TBC1D19: variants seen among roughly 807,000 people sequenced by gnomAD.
The protein encoded by TBC1D19 is TBC1 domain family member 19.
TBC1D19 carries 60 observed loss-of-function variants against 89.0 expected under a neutral mutation model. The ratio of observed to expected loss-of-function variants is 0.67; its 90% CI spans 0.55 to 0.84. The LOEUF (loss-of-function observed/expected upper bound fraction) is 0.84. Among genes scored for constraint, TBC1D19 ranks in the 40% least tolerant of loss-of-function variants. The pLI is 0.00. For synonymous variants in TBC1D19, 189 were observed against 199.7 expected, an observed-to-expected ratio of 0.95 and a Z score of 0.45; for missense variants, 500 against 610.8, an observed-to-expected ratio of 0.82 and a Z score of 1.91.
chr4:26,808,335 C>T, the TBC1D19 span, among the ~76,000 whole-genome samples: 2 of 152,170 alleles, frequency 1.3e-5, no homozygotes, highest in African/African-American at 4.8e-5. Flanking sequence ...TCTCCCTCTG[C>T]GTAAGTAGAT....
the TBC1D19 span, among the ~76,000 whole-genome samples, chr4:26,826,607 T>C: frequency 2.0e-5 from 3 of 152,260 alleles, no homozygotes; most frequent in East Asian, 5.8e-4. Context: ...ATCATTGTTA[T>C]AGATGATGTC....
the TBC1D19 span, among the ~76,000 whole-genome samples, chr4:26,795,191 AG>A: frequency 6.6e-6 from 1 of 152,154 alleles, no homozygotes; most frequent in Non-Finnish European, 1.5e-5. Context: ...TCACACAGGC[AG>A]GCTTGCCCTT....
At chr4:26,754,112 G>A (rs1719134267) in intron 20 of TBC1D19, 1 of 489,108 alleles carries the variant, frequency 2.0e-6, no homozygotes, top group South Asian at 2.9e-5. Flanking sequence ...GATTATTATA[G>A]GAAACCATTA....
chr4:26,852,096 C>T, the TBC1D19 span, among the ~76,000 whole-genome samples: 1 of 152,224 alleles, frequency 6.6e-6, no homozygotes, highest in South Asian at 2.1e-4. Context: ...TCAAAGTGAA[C>T]GTATGCAAAA....
rs539667111 is a variant in TBC1D19 at position 26,666,038 on chromosome 4, C to T, written c.592-295C>T. Among the ~76,000 whole-genome samples the T allele has an allele frequency of 9.2e-5, 14 of 151,872 alleles. No homozygotes were observed. In the South Asian group the frequency reaches 2.9e-3, roughly 32 times the overall value. On this transcript the variant is annotated intron_variant, in intron 8 of 20. Coordinates refer to ENST00000264866, the MANE Select transcript of TBC1D19 (RefSeq NM_018317.4). The stretch of plus-strand genomic sequence containing the variant: ...ATAAACATTATATGTTTGTGTCTTT[C>T]CCATTATATATTTATATTTCCTAAA...
At chr4:26,718,342 C>T (rs1716772109) in intron 14 of TBC1D19, among the ~76,000 whole-genome samples, 1 of 151,600 alleles carries the variant, frequency 6.6e-6, no homozygotes. Context: ...GCTTTTTCTA[C>T]TTTTTTTAAC....
chr4:26,596,455 C>CGTGTGTGT (rs35226421), intron 1 of TBC1D19, among the ~76,000 whole-genome samples: 20 of 145,100 alleles, frequency 1.4e-4, no homozygotes, highest in African/African-American at 3.8e-4. Flanking sequence ...AATGGTAACT[C>CGTGTGTGT]GTGTGTGTGT....
chr4:26,771,638 T>G, the TBC1D19 span, among the ~76,000 whole-genome samples: 149,005 of 152,224 alleles, frequency 0.98, 73,000 homozygotes, highest in East Asian at 1. Flanking sequence ...GCAGAGTGGC[T>G]GTTGCCAGGG....
At chr4:26,718,105 C>T in intron 14 of TBC1D19, 88 bp downstream of exon 14, 2 of 957,400 alleles carry the variant, frequency 2.1e-6, no homozygotes, top group Admixed American at 2.3e-5. Flanking sequence ...AGTGGTGTTG[C>T]CAAATTATTA....
chr4:26,741,562 A>C (rs906110948), intron 17 of TBC1D19, among the ~76,000 whole-genome samples: 35 of 150,666 alleles, frequency 2.3e-4, no homozygotes, highest in African/African-American at 7.1e-4. Flanking sequence ...TTTCTTGTCT[A>C]TCTCTATGCT....
intron 7 of TBC1D19, among the ~76,000 whole-genome samples, chr4:26,641,286 A>C (rs972815443): frequency 6.6e-6 from 1 of 152,046 alleles, no homozygotes; most frequent in Non-Finnish European, 1.5e-5. Flanking sequence ...GGCAAACAGC[A>C]TCTGGAGTGG....
the TBC1D19 span, among the ~76,000 whole-genome samples, chr4:26,835,687 C>G: frequency 6.6e-6 from 1 of 152,146 alleles, no homozygotes; most frequent in African/African-American, 2.4e-5. Context: ...CTGGCACCTT[C>G]CTAAATAGTT....
At chr4:26,852,928 C>A in the TBC1D19 span, among the ~76,000 whole-genome samples, 2 of 152,340 alleles carry the variant, frequency 1.3e-5, no homozygotes, top group Admixed American at 1.3e-4. Flanking sequence ...CGGATTCTAC[C>A]ACTTTTAACC....
At chr4:26,647,642 C>T (rs1410764708) in intron 7 of TBC1D19, among the ~76,000 whole-genome samples, 3 of 152,154 alleles carry the variant, frequency 2.0e-5, no homozygotes, top group Non-Finnish European at 4.4e-5. Context: ...GATTTGATAT[C>T]CCATTACCTG....
At chr4:26,828,874 A>G in the TBC1D19 span, among the ~76,000 whole-genome samples, 2,241 of 152,346 alleles carry the variant, frequency 0.015, 29 homozygotes, top group Middle Eastern at 0.031. Flanking sequence ...CACTGAGTAC[A>G]TGTTAGATTT....
At chr4:26,788,819 G>A in the TBC1D19 span, among the ~76,000 whole-genome samples, 1 of 152,124 alleles carries the variant, frequency 6.6e-6, no homozygotes, top group Non-Finnish European at 1.5e-5. Flanking sequence ...ACATGCTCTA[G>A]AGACAAGTAT....
chr4:26,818,439 G>A, the TBC1D19 span, among the ~76,000 whole-genome samples: 2 of 152,074 alleles, frequency 1.3e-5, no homozygotes, highest in Non-Finnish European at 2.9e-5. Flanking sequence ...TTGCCAGGGA[G>A]AAGGGAAGGT....
chr4:26,668,034 A>G (rs909085570), intron 9 of TBC1D19, among the ~76,000 whole-genome samples: 2 of 151,972 alleles, frequency 1.3e-5, no homozygotes, highest in African/African-American at 4.8e-5. Flanking sequence ...AACTTGCTCC[A>G]GGTCACAAAA....
At chr4:26,840,385 A>T in the TBC1D19 span, among the ~76,000 whole-genome samples, 1 of 152,064 alleles carries the variant, frequency 6.6e-6, no homozygotes, top group African/African-American at 2.4e-5. Context: ...CCCAGCCTCT[A>T]ATTTCTAACT....
Sources: gnomAD v4.1 joint callset for allele counts (sites outside exome capture counted in the v4.1 genomes callset) on GRCh38, gnomAD v4.1.1 for gene constraint, MANE v1.5 for transcripts, NCBI Gene and HGNC (gene_info 2026-07-23, HGNC 2026-07-21) for gene names.